ROCK1: variants seen among roughly 807,000 people sequenced by gnomAD.
The protein encoded by ROCK1 is rho-associated protein kinase 1.
Under a neutral mutation model 196.8 loss-of-function variants are expected in ROCK1, and 36 were observed. That is an observed-to-expected ratio of 0.18 (90% confidence interval 0.14 to 0.24). ROCK1 has a LOEUF of 0.24. ROCK1 is among the 10% of genes least tolerant of loss of function. The pLI, the probability that ROCK1 is intolerant of heterozygous loss-of-function variation, is 1.00. For synonymous variants in ROCK1, 443 were observed against 515.9 expected (o/e 0.86, Z 1.91); for missense variants, 920 against 1,562.0 (o/e 0.59, Z 6.93).
At chr18:20,957,163 T>TC (rs1215745462) in intron 29 of ROCK1, among the ~76,000 whole-genome samples, 3 of 152,202 alleles carry the variant, frequency 2.0e-5, no homozygotes, top group African/African-American at 7.2e-5. Flanking sequence ...CAATCCTGGG[T>TC]ATTTACCCAT....
At chr18:21,073,664 A>G (rs2036406414) in intron 1 of ROCK1, among the ~76,000 whole-genome samples, 1 of 152,216 alleles carries the variant, frequency 6.6e-6, no homozygotes, top group Non-Finnish European at 1.5e-5. Context: ...CCTAACAGAC[A>G]TATTTTTGGA....
At chr18:20,970,168 T>C (rs2035412822) in intron 23 of ROCK1, 180 bp downstream of exon 23, 2 of 472,810 alleles carry the variant, frequency 4.2e-6, no homozygotes, top group Admixed American at 3.6e-5. Flanking sequence ...TGAACAAGAA[T>C]TTCAATAATT....
chr18:21,056,062 G>A (rs929660357), intron 2 of ROCK1, among the ~76,000 whole-genome samples: 2 of 152,180 alleles, frequency 1.3e-5, no homozygotes, highest in Admixed American at 6.5e-5. Context: ...TTCAACCTTA[G>A]TAGTTTTCAG....
chr18:20,958,893 T>TATATATATTATATATATAAATATATA (rs1568367048), intron 29 of ROCK1, among the ~76,000 whole-genome samples: 3 of 26,316 alleles, frequency 1.1e-4, no homozygotes, highest in African/African-American at 7.1e-4. Flanking sequence ...ATATATATAT[T>TATATATATTATATATATAAATATATA]TATTTATATA....
At chr18:20,971,305 T>TACATACACACAC (rs2035423858) in intron 22 of ROCK1, among the ~76,000 whole-genome samples, 1 of 136,750 alleles carries the variant, frequency 7.3e-6, no homozygotes, top group Non-Finnish European at 1.6e-5. Flanking sequence ...ATAGTAAACA[T>TACATACACACAC]ACACACACAC....
chr18:21,067,561 AT>A (rs1322187368), intron 2 of ROCK1, among the ~76,000 whole-genome samples: 1 of 151,726 alleles, frequency 6.6e-6, no homozygotes, highest in African/African-American at 2.4e-5. Context: ...TAATTTTTGC[AT>A]TTTTAGTAGA....
Position 20,955,146 on chromosome 18 carries a change from ATTATAAC to A in ROCK1, c.3591+14_3591+20del, listed in dbSNP as rs1260786241. ...ACGCTTAGGACTTAGATTCTTTAAA[ATTATAAC>A]TTCAGATTTTTACCTGGAATATTTT... On this transcript the variant is annotated intron_variant, in intron 30 of 32. Transcript: ENST00000399799. 17 of 1,531,834 alleles carry A rather than the reference ATTATAAC, an allele frequency of 1.1e-5. No homozygotes were observed. Among genetic ancestry groups the A allele is most frequent in the Non-Finnish European group, 1.5e-5 (17 of 1,140,948 alleles). 94.9% of individuals were successfully genotyped at this position (1,531,834 alleles called of 1,614,324 possible).
intron 32 of ROCK1, among the ~76,000 whole-genome samples, chr18:20,952,076 T>A (rs2035193328): frequency 6.6e-6 from 1 of 152,280 alleles, no homozygotes; most frequent in South Asian, 2.1e-4. Flanking sequence ...GAGATTTCAT[T>A]ATTTCTCTCC....
intron 1 of ROCK1, among the ~76,000 whole-genome samples, chr18:21,093,734 A>G (rs763042161): frequency 1.1e-4 from 17 of 152,172 alleles, no homozygotes; most frequent in Non-Finnish European, 2.1e-4. Flanking sequence ...CAGGCAGATC[A>G]AGACTTGGTT....
intron 12 of ROCK1, among the ~76,000 whole-genome samples, chr18:21,018,042 TAGC>T (rs1047270768): frequency 1.1e-4 from 16 of 151,976 alleles, no homozygotes; most frequent in African/African-American, 3.6e-4. Flanking sequence ...CCACAATCCC[TAGC>T]ACTAGGTTTT....
At chr18:21,098,286 A>G (rs1288394164) in intron 1 of ROCK1, among the ~76,000 whole-genome samples, 1 of 152,242 alleles carries the variant, frequency 6.6e-6, no homozygotes, top group Admixed American at 6.5e-5. Context: ...GTACACATGG[A>G]AATTTAATAT....
At chr18:21,015,234 T>C (rs1342628219) in intron 13 of ROCK1, among the ~76,000 whole-genome samples, 197 bp downstream of exon 13, 1 of 152,118 alleles carries the variant, frequency 6.6e-6, no homozygotes, top group Non-Finnish European at 1.5e-5. Context: ...TAGAAAACAA[T>C]TGTACAAAGG....
chr18:20,984,527 A>G lies in ROCK1; in HGVS notation c.2313T>C (p.Asn771=). The G allele has an allele frequency of 6.3e-7, 1 of 1,599,438 alleles. No individual in the cohort carries two copies. Among genetic ancestry groups the G allele is most frequent in the Non-Finnish European group, 8.5e-7 (1 of 1,176,244 alleles). The change falls in exon 20 of 33, where the codon AAT becomes AAC. Residue 771 remains asparagine, a synonymous_variant. Coordinates refer to ENST00000399799, the MANE Select transcript of ROCK1 (RefSeq NM_005406.3). ...ATTCCTGCTCCAGTTGCAGGGTTAG[A>G]TTCTTAACCTATGAATGAGAAAAAT... ...NKERMEDEVK[N]LTLQLEQESN...
chr18:21,012,163 C>T (rs2035825064), intron 13 of ROCK1, among the ~76,000 whole-genome samples: 1 of 152,150 alleles, frequency 6.6e-6, no homozygotes, highest in South Asian at 2.1e-4. Flanking sequence ...GTTGGCCAGG[C>T]TGGTCTTAAA....
chr18:21,083,905 AT>A (rs2036503717), intron 1 of ROCK1, among the ~76,000 whole-genome samples: 1 of 152,150 alleles, frequency 6.6e-6, no homozygotes, highest in Non-Finnish European at 1.5e-5. Flanking sequence ...AGTGCCCCTA[AT>A]CCCCATGTTG....
At chr18:21,100,209 C>G (rs2036647021) in intron 1 of ROCK1, among the ~76,000 whole-genome samples, 1 of 149,940 alleles carries the variant, frequency 6.7e-6, no homozygotes, top group African/African-American at 2.4e-5. Context: ...GTGAAATAAT[C>G]AGTCACTTTT....
In ROCK1 at chr18:21,044,773, A is replaced by G. The variant is rs533032293; in HGVS notation, c.590+519T>C. Among the ~76,000 whole-genome samples the G allele has an allele frequency of 3.9e-5, 6 of 152,344 alleles. No individual in the cohort carries two copies. The South Asian group carries it at 1.2e-3, about 32-fold the overall frequency. ...CTTTTCAGAACACCATTTAAAGGCT[A>G]TATGATCAGATTAAGGGATATTAAA... On this transcript the variant is annotated intron_variant, in intron 5 of 32. Transcript: ENST00000399799.
chr18:21,095,148 CA>C (rs1043649698), intron 1 of ROCK1, among the ~76,000 whole-genome samples: 1 of 148,474 alleles, frequency 6.7e-6, no homozygotes, highest in Non-Finnish European at 1.5e-5. Context: ...ATCAAAACTA[CA>C]ATGTGGTATC....
intron 6 of ROCK1, among the ~76,000 whole-genome samples, chr18:21,043,488 C>T (rs140241740): frequency 2.0e-5 from 3 of 149,092 alleles, no homozygotes; most frequent in African/African-American, 7.3e-5. Context: ...ACAGCTCCTT[C>T]AGCTCCTTCA....
Sources: gnomAD v4.1 joint callset for allele counts (sites outside exome capture counted in the v4.1 genomes callset) on GRCh38, gnomAD v4.1.1 for gene constraint, MANE v1.5 for transcripts, NCBI Gene and HGNC (gene_info 2026-07-23, HGNC 2026-07-21) for gene names.